TGFB1: variants seen among roughly 807,000 people sequenced by gnomAD.
TGFB1 encodes the protein transforming growth factor beta 1.
A neutral mutation model predicts 43.8 loss-of-function variants in TGFB1; 19 were observed. The ratio of observed to expected loss-of-function variants is 0.43; its 90% confidence interval spans 0.30 to 0.64. The LOEUF (loss-of-function observed/expected upper bound fraction) is 0.64, where lower values mean the gene tolerates loss of function less well. Among genes scored for constraint, TGFB1 ranks in the 30% least tolerant of loss-of-function variants. The pLI is 0.11. For synonymous variants in TGFB1, 221 were observed against 236.3 expected (o/e 0.94, Z 0.60); for missense variants, 445 against 529.8 (o/e 0.84, Z 1.57).
chr19:41,339,382 G>A (rs550681877), intron 5 of TGFB1, among the ~76,000 whole-genome samples: 5 of 152,018 alleles, frequency 3.3e-5, no homozygotes, highest in Non-Finnish European at 5.9e-5. Flanking sequence ...GCCTCCCAAA[G>A]TGCTGGGATT....
Position 41,353,648 on chromosome 19 carries a change from C to G in TGFB1, c.-604G>C, listed in dbSNP as rs1353352808. 1 of 153,050 alleles carries G rather than the reference C, an allele frequency of 6.5e-6. No homozygotes were observed. 9.5% of individuals were successfully genotyped at this position (153,050 alleles called of 1,614,324 possible). Reference sequence around the variant, plus strand: ...GTCTCAAAAGTTTTTTTCCTCTTCTCCCGACCAGCTCGTCCCTCCTCCCGC... The same window carrying G: ...GTCTCAAAAGTTTTTTTCCTCTTCTGCCGACCAGCTCGTCCCTCCTCCCGC... On this transcript the variant is annotated 5_prime_UTR_variant, in exon 1 of 7. Transcript: ENST00000221930. The surrounding 1 kb of genome is among the most constrained non-coding windows in gnomAD (Gnocchi z 5.9).
At chr19:41,331,566 CT>C (rs3061187) in intron 6 of TGFB1, among the ~76,000 whole-genome samples, 805 of 77,492 alleles carry the variant, frequency 0.01, 7 homozygotes, top group African/African-American at 0.014. Flanking sequence ...CCACTCCTAG[CT>C]TTTTTTTTTT....
At chr19:41,332,060 TTC>T in intron 6 of TGFB1, 66 bp downstream of exon 6, 1 of 1,569,496 alleles carries the variant, frequency 6.4e-7, no homozygotes, top group South Asian at 1.1e-5. Context: ...TTACTTCTCT[TTC>T]TCTCTCCTCT....
At chr19:41,344,683 C>T (rs1449596529) in intron 3 of TGFB1, 64 bp downstream of exon 3, 1 of 1,512,868 alleles carries the variant, frequency 6.6e-7, no homozygotes, top group African/African-American at 1.4e-5. Context: ...CAAAGTGACC[C>T]CAGGACAAAC....
chr19:41,350,307 C>CTTTT (rs55873066), intron 1 of TGFB1, among the ~76,000 whole-genome samples: 7 of 119,692 alleles, frequency 5.8e-5, no homozygotes, highest in Admixed American at 8.5e-5. Flanking sequence ...GTTTTCTTTT[C>CTTTT]TTTTTTTTTT....
chr19:41,342,641 A>C (rs1018606384), intron 3 of TGFB1, among the ~76,000 whole-genome samples: 4 of 151,722 alleles, frequency 2.6e-5, no homozygotes, highest in Non-Finnish European at 5.9e-5. Flanking sequence ...CAGCCTCCCA[A>C]GTAGCTGGGA....
chr19:41,350,661 A>T (rs1026604798), intron 1 of TGFB1, among the ~76,000 whole-genome samples: 1 of 152,210 alleles, frequency 6.6e-6, no homozygotes, highest in Admixed American at 6.5e-5. Context: ...GGAACAGGCC[A>T]TGAACTGCTG....
chr19:41,342,855 C>G (rs1055094458), intron 3 of TGFB1, among the ~76,000 whole-genome samples: 5 of 152,110 alleles, frequency 3.3e-5, no homozygotes, highest in African/African-American at 1.2e-4. Context: ...AGACAGAGGT[C>G]TCACTATGTT....
At position 41,344,841 on chromosome 19, in the gene TGFB1, T is replaced by C; in HGVS notation, c.540A>G (p.Arg180=). Residue 180 remains arginine, a synonymous_variant, in exon 3 of 7, where the codon CGA becomes CGG. Transcript: ENST00000221930. ...GTGCCAGCAGCCGGTTGCTGAGGTA[T>C]CGCCAGGAATTGTTGCTGTATTTCT... ...LYQKYSNNSW[R]YLSNRLLAPS... is the part of the protein sequence containing the mutation. The C allele has an allele frequency of 2.5e-6, 4 of 1,599,316 alleles. No individual in the cohort carries two copies. Among genetic ancestry groups the C allele is most frequent in the Non-Finnish European group, 3.4e-6 (4 of 1,172,770 alleles).
rs942309616 is a variant in TGFB1, at chr19:41,352,719, G to T, written c.326C>A (p.Thr109Asn). The T allele has an allele frequency of 1.9e-6, 3 of 1,613,562 alleles. No individual in the cohort carries two copies. The highest frequency in any genetic ancestry group is 2.5e-6 in the Non-Finnish European group (3 of 1,179,878). ...PEADYYAKEV[T>N]RVLMVETHNE... ...GTGGGTTTCCACCATTAGCACGCGG[G>T]TGACCTCCTTGGCGTAGTAGTCGGC... Residue 109 changes from threonine to asparagine, a missense_variant, in exon 1 of 7, where the codon ACC becomes AAC. Physicochemically the swap from Thr to Asn is moderately conservative, Grantham distance 65 (BLOSUM62 0). Coordinates refer to ENST00000221930, the MANE Select transcript of TGFB1 (RefSeq NM_000660.7).
chr19:41,352,886 G>T lies in TGFB1; in HGVS notation c.159C>A (p.Ile53=). 6.4e-7 allele frequency: 1 copy of T among 1,563,480 alleles called. No individual in the cohort carries two copies. ...GGCTGGCGAGCCGCAGCTTGGACAGGATCTGGCCGCGGATGGCCTCGATGC... is the reference window on the plus strand; with the variant it reads ...GGCTGGCGAGCCGCAGCTTGGACAGTATCTGGCCGCGGATGGCCTCGATGC... ...RKRIEAIRGQ[I]LSKLRLASPP... is the part of the protein sequence containing the mutation. Residue 53 remains isoleucine (I), a synonymous_variant, in exon 1 of 7, where the codon ATC becomes ATA. Coordinates refer to ENST00000221930, the MANE Select transcript of TGFB1 (RefSeq NM_000660.7).
At chr19:41,346,366 AAAG>A (rs1295366855) in intron 2 of TGFB1, among the ~76,000 whole-genome samples, 1 of 152,180 alleles carries the variant, frequency 6.6e-6, no homozygotes, top group Non-Finnish European at 1.5e-5. Context: ...CACACAAAAA[AAAG>A]AAGAATTTTC....
Position 41,344,770 on chromosome 19 carries a change from A to C in TGFB1, c.611T>G (p.Val204Gly), listed in dbSNP as rs1309411459. 6 of 1,613,928 alleles carry C rather than the reference A, an allele frequency of 3.7e-6. No individual in the cohort carries two copies. In the Admixed American group the frequency reaches 1.0e-4, roughly 27 times the overall value. ...ACCTCCACGGCTCAACCACTGCCGC[A>C]CAACTCCGGTGACATCAAAAGATAA... ...EWLSFDVTGVVRQWLSRGGEI... is the reference protein window; with the variant it reads ...EWLSFDVTGVGRQWLSRGGEI... Residue 204 changes from valine (V) to glycine (G), a missense_variant, in exon 3 of 7, where the codon GTG (valine) becomes GGG (glycine). Val to Gly is a moderately radical substitution (Grantham distance 109). Coordinates refer to ENST00000221930, the MANE Select transcript of TGFB1 (RefSeq NM_000660.7).
Position 41,330,552 on chromosome 19 carries a change from T to C in TGFB1, c.*500A>G, listed in dbSNP as rs2037917662. On this transcript the variant is annotated 3_prime_UTR_variant, in exon 7 of 7. Transcript: ENST00000221930. Reference sequence around the variant, plus strand: ...GCCTGGCCTGAACTACTATCTTTTATTGTCTTCTTCACTATCCCCCACTAA... The same window carrying C: ...GCCTGGCCTGAACTACTATCTTTTACTGTCTTCTTCACTATCCCCCACTAA... 6.5e-6 allele frequency: 1 copy of C among 153,410 alleles called. No homozygotes were observed. Among genetic ancestry groups the C allele is most frequent in the South Asian group, 2.0e-4 (1 of 5,120 alleles). 9.5% of individuals were successfully genotyped at this position (153,410 alleles called of 1,614,324 possible).
Position 41,353,707 on chromosome 19 carries a change from C to T in TGFB1, c.-663G>A. 1 of 154,072 alleles carries T rather than the reference C, an allele frequency of 6.5e-6. No homozygotes were observed. The highest frequency in any genetic ancestry group is 1.4e-5 in the Non-Finnish European group (1 of 69,550). The allele number at this position is 154,072 out of a possible 1,614,324, so 9.5% of individuals were successfully genotyped here. A position where few individuals can be genotyped will look rare whatever the true frequency, so the allele number is the denominator to read the frequency against. On this transcript the variant is annotated 5_prime_UTR_variant, in exon 1 of 7. Transcript: ENST00000221930. The surrounding 1 kb of genome is among the most constrained non-coding windows in gnomAD (Gnocchi z 5.9). ...CCCCTCCTCCCCGCAGTGGCGGGGG[C>T]GGCGGCGGCTCGTCTCAGACTCTGG...
In TGFB1 at chr19:41,330,802, G is replaced by A. The variant is rs1189580054; in HGVS notation, c.*250C>T. ...CCCTGTGCCTTGATGCCGGGCAAAG[G>A]AATAGTGCAGACAGGCAGGAGGAGG... On this transcript the variant is annotated 3_prime_UTR_variant, in exon 7 of 7. Transcript: ENST00000221930. The A allele has an allele frequency of 2.1e-6, 1 of 487,426 alleles. No homozygotes were observed. Among genetic ancestry groups the A allele is most frequent in the Non-Finnish European group, 3.7e-6 (1 of 273,716 alleles). 30.2% of individuals were successfully genotyped at this position (487,426 alleles called of 1,614,324 possible).
At position 41,344,837 on chromosome 19, in the gene TGFB1, G is replaced by A. The variant is rs753852676; in HGVS notation, c.544C>T (p.Leu182Phe). Residue 182 changes from leucine to phenylalanine, a missense_variant, in exon 3 of 7, where the codon CTC becomes TTC. By Grantham distance (22) the Leu-to-Phe change is conservative (BLOSUM62 0). Coordinates refer to ENST00000221930, the MANE Select transcript of TGFB1 (RefSeq NM_000660.7). ...CTGGGTGCCAGCAGCCGGTTGCTGA[G>A]GTATCGCCAGGAATTGTTGCTGTAT... ...QKYSNNSWRY[L>F]SNRLLAPSDS... 1.2e-6 allele frequency: 2 copies of A among 1,600,822 alleles called. No individual in the cohort carries two copies. The highest frequency in any genetic ancestry group is 4.5e-5 in the East Asian group (2 of 44,506).
intron 5 of TGFB1, among the ~76,000 whole-genome samples, chr19:41,340,241 C>T (rs2038039330): frequency 7.1e-6 from 1 of 141,410 alleles, no homozygotes; most frequent in African/African-American, 2.5e-5. Flanking sequence ...TTCAAACTGA[C>T]ACTTTCTTTC....
chr19:41,333,207 C>CTTTTTTTTTT (rs1568474595), intron 5 of TGFB1, among the ~76,000 whole-genome samples: 2 of 120,738 alleles, frequency 1.7e-5, no homozygotes, highest in South Asian at 2.6e-4. Flanking sequence ...CTTTTTTTTT[C>CTTTTTTTTTT]TATTTTTTTT....
Sources: gnomAD v4.1 joint callset for allele counts (sites outside exome capture counted in the v4.1 genomes callset) on GRCh38, gnomAD v4.1.1 for gene constraint, Gnocchi (gnomAD v3.1) non-coding constraint, MANE v1.5 for transcripts, NCBI Gene and HGNC (gene_info 2026-07-23, HGNC 2026-07-21) for gene names.